Variants in JMJD1C observed in about 807,000 individuals in gnomAD.
JMJD1C encodes the protein jumonji domain containing 1C.
Under a neutral mutation model 245.3 loss-of-function variants are expected in JMJD1C, and 31 were observed. The observed-to-expected ratio is 0.13, with a 90% CI of 0.09 to 0.17. The LOEUF (loss-of-function observed/expected upper bound fraction) is 0.17. Among genes scored for constraint, JMJD1C ranks in the 10% least tolerant of loss-of-function variants. The pLI is 1.00. For synonymous variants in JMJD1C, 1,057 were observed against 1,017.4 expected (o/e 1.04, Z -0.74); for missense variants, 2,691 against 3,000.2 (o/e 0.90, Z 2.41).
chr10:63,314,400 A>C (rs1270720434), intron 2 of JMJD1C, among the ~76,000 whole-genome samples: 1 of 152,190 alleles, frequency 6.6e-6, no homozygotes, highest in Non-Finnish European at 1.5e-5. Flanking sequence ...TCTCCACTAA[A>C]AATGCAAAAG....
intron 2 of JMJD1C, among the ~76,000 whole-genome samples, chr10:63,370,577 C>A (rs1458836247): frequency 1.3e-5 from 2 of 152,142 alleles, no homozygotes; most frequent in African/African-American, 4.8e-5. Context: ...CTATTTTCCC[C>A]CCAATTCTAA....
chr10:63,168,421 C>G lies in JMJD1C; in HGVS notation c.7533+14G>C, dbSNP rs1263318113. On this transcript the variant is annotated intron_variant, in intron 25 of 25. Transcript: ENST00000399262. ...AAAGCCTGAAGAACAGGACCTAGAACACCCAACTCTTACCTGTAGTTTATC... is the reference window on the plus strand; with the variant it reads ...AAAGCCTGAAGAACAGGACCTAGAAGACCCAACTCTTACCTGTAGTTTATC... 1 of 1,596,200 alleles carries G rather than the reference C, an allele frequency of 6.3e-7. No homozygotes were observed. The highest frequency in any genetic ancestry group is 8.5e-7 in the Non-Finnish European group (1 of 1,174,458).
chr10:63,319,323 G>C (rs190055813), intron 2 of JMJD1C, among the ~76,000 whole-genome samples: 1 of 147,330 alleles, frequency 6.8e-6, no homozygotes, highest in Admixed American at 6.8e-5. Context: ...TGCTGAAAAA[G>C]TGTGATGCCA....
chr10:63,490,732 C>CAG (rs1168334952), intron 1 of JMJD1C, among the ~76,000 whole-genome samples: 1 of 152,094 alleles, frequency 6.6e-6, no homozygotes, highest in East Asian at 1.9e-4. Flanking sequence ...TATTTGCTTG[C>CAG]TTATTAACTG....
intron 2 of JMJD1C, among the ~76,000 whole-genome samples, chr10:63,343,242 T>A (rs1479720405): frequency 6.6e-6 from 1 of 152,066 alleles, no homozygotes; most frequent in Non-Finnish European, 1.5e-5. Flanking sequence ...GGCACACACC[T>A]GTAGTCCCAG....
intron 1 of JMJD1C, among the ~76,000 whole-genome samples, chr10:63,510,295 G>A (rs1334069847): frequency 2.0e-5 from 3 of 152,070 alleles, no homozygotes; most frequent in Non-Finnish European, 4.4e-5. Context: ...GAGCCACCGC[G>A]CTCGGCCAAT....
At chr10:63,379,725 A>C (rs1564854134) in intron 2 of JMJD1C, among the ~76,000 whole-genome samples, 1 of 152,208 alleles carries the variant, frequency 6.6e-6, no homozygotes, top group East Asian at 1.9e-4. Flanking sequence ...CCTTTAATCC[A>C]ATTTATATTT....
intron 1 of JMJD1C, among the ~76,000 whole-genome samples, chr10:63,490,421 T>A (rs78412869): frequency 0.3 from 30,215 of 101,740 alleles, 3,377 homozygotes; most frequent in Admixed American, 0.46. Flanking sequence ...TTATTTATTT[T>A]ATTTTTTTTT....
At chr10:63,423,528 C>T (rs1236361117) in intron 1 of JMJD1C, among the ~76,000 whole-genome samples, 2 of 152,212 alleles carry the variant, frequency 1.3e-5, no homozygotes, top group Non-Finnish European at 2.9e-5. Context: ...TATTATATAG[C>T]CACCTCACTT....
intron 1 of JMJD1C, among the ~76,000 whole-genome samples, chr10:63,441,819 C>A (rs1951405762): frequency 6.6e-6 from 1 of 152,274 alleles, no homozygotes; most frequent in East Asian, 1.9e-4. Flanking sequence ...AGTTCTCTGG[C>A]CTGTTATTCT....
intron 1 of JMJD1C, among the ~76,000 whole-genome samples, chr10:63,431,685 G>A (rs1427767216): frequency 3.9e-5 from 6 of 152,224 alleles, no homozygotes; most frequent in Non-Finnish European, 7.3e-5. Context: ...TTGTAACTCA[G>A]GGTCCCCAGG....
chr10:63,218,216 A>G (rs1020687190), intron 4 of JMJD1C, among the ~76,000 whole-genome samples: 7 of 152,100 alleles, frequency 4.6e-5, no homozygotes, highest in African/African-American at 1.7e-4. Flanking sequence ...AGATTAGGTA[A>G]AATTTTAAGT....
chr10:63,446,810 G>A (rs1348888638), intron 1 of JMJD1C, among the ~76,000 whole-genome samples: 1 of 152,110 alleles, frequency 6.6e-6, no homozygotes, highest in East Asian at 1.9e-4. Flanking sequence ...GAGTAATGGG[G>A]GCAAAAGCCT....
At chr10:63,460,731 T>TA (rs1217762924) in intron 1 of JMJD1C, among the ~76,000 whole-genome samples, 6 of 152,168 alleles carry the variant, frequency 3.9e-5, no homozygotes, top group African/African-American at 1.2e-4. Context: ...AAATAATATA[T>TA]AAAATCTATA....
chr10:63,281,987 A>C (rs1394000715), intron 2 of JMJD1C, among the ~76,000 whole-genome samples: 1 of 152,204 alleles, frequency 6.6e-6, no homozygotes, highest in African/African-American at 2.4e-5. Flanking sequence ...ATACGTTTGC[A>C]TATGACTGAT....
At chr10:63,275,403 A>G (rs1363508263) in intron 2 of JMJD1C, among the ~76,000 whole-genome samples, 2 of 152,252 alleles carry the variant, frequency 1.3e-5, no homozygotes, top group African/African-American at 4.8e-5. Flanking sequence ...GAAGTATGAC[A>G]TAAGTTTATG....
At chr10:63,240,186 G>A (rs759634742) in intron 3 of JMJD1C, among the ~76,000 whole-genome samples, 73 of 152,204 alleles carry the variant, frequency 4.8e-4, no homozygotes, top group Admixed American at 1.0e-3. Flanking sequence ...TCAGAAGACA[G>A]GGTTTTAAAA....
chr10:63,268,715 G>C (rs1229396464), intron 2 of JMJD1C: 5 of 984,428 alleles, frequency 5.1e-6, no homozygotes, highest in Non-Finnish European at 6.0e-6. Context: ...CCACAACAAG[G>C]CTTTAAAGGT....
chr10:63,465,503 C>G lies in JMJD1C; in HGVS notation c.160G>C (p.Asp54His), dbSNP rs374931985. 1.2e-6 allele frequency: 2 copies of G among 1,603,266 alleles called. No homozygotes were observed. Among genetic ancestry groups the G allele is most frequent in the Non-Finnish European group, 1.7e-6 (2 of 1,177,322 alleles). ...AVSHRDSRNP[D>H]LAVYVEFDDL... The stretch of plus-strand genomic sequence containing the variant: ...GGCGCTGACTCTCTTACCGCCAGGT[C>G]CGGATTGCGGCTGTCCCTGTGTGAC... The change falls in exon 1 of 26, where the codon GAC becomes CAC. Residue 54 changes from aspartate (D) to histidine (H), a missense_variant. This residue lies in a region of JMJD1C where 135 missense variants were observed against 115.5 expected (regional missense o/e 1.17). Transcript: ENST00000399262.
Sources: allele counts gnomAD v4.1 joint callset (sites outside exome capture counted in the v4.1 genomes callset), GRCh38; gene constraint gnomAD v4.1.1; regional missense constraint gnomAD v4.1.1; transcripts MANE v1.5; gene names NCBI Gene and HGNC (gene_info 2026-07-23, HGNC 2026-07-21).